PACRG: variants seen among roughly 807,000 people sequenced by gnomAD.
The protein encoded by PACRG is parkin coregulated gene protein.
Under a neutral mutation model 29.7 loss-of-function variants are expected in PACRG, and 29 were observed. The ratio of observed to expected loss-of-function variants is 0.98; its 90% confidence interval spans 0.73 to 1.33. PACRG has a LOEUF of 1.33. PACRG is among the 40% of genes most tolerant of loss of function. PACRG has a pLI of 0.00. For synonymous variants in PACRG, 116 were observed against 118.7 expected (o/e 0.98, Z 0.15); for missense variants, 279 against 316.2 (o/e 0.88, Z 0.89).
intron 2 of PACRG, among the ~76,000 whole-genome samples, chr6:162,995,031 G>A (rs1256405379): frequency 4.0e-5 from 6 of 151,086 alleles, no homozygotes; most frequent in Admixed American, 2.6e-4. Flanking sequence ...CTGCTGGGGG[G>A]TGCCTCCCAG....
At chr6:163,171,410 T>C (rs1200377388) in intron 4 of PACRG, among the ~76,000 whole-genome samples, 1 of 152,184 alleles carries the variant, frequency 6.6e-6, no homozygotes, top group African/African-American at 2.4e-5. Flanking sequence ...TTTTGCTCAC[T>C]TATTGTATAT....
At chr6:162,765,702 A>G (rs921770464) in intron 1 of PACRG, among the ~76,000 whole-genome samples, 1 of 152,160 alleles carries the variant, frequency 6.6e-6, no homozygotes, top group African/African-American at 2.4e-5. Flanking sequence ...TTTCTGGAGC[A>G]TTTCGGGGGG....
intron 4 of PACRG, among the ~76,000 whole-genome samples, chr6:163,295,892 G>A (rs760462812): frequency 6.6e-6 from 1 of 152,148 alleles, no homozygotes; most frequent in Non-Finnish European, 1.5e-5. Context: ...CTAGCCTGAT[G>A]CCTGACACCT....
chr6:163,095,163 C>A (rs1406911297), intron 4 of PACRG, among the ~76,000 whole-genome samples: 1 of 152,146 alleles, frequency 6.6e-6, no homozygotes, highest in Non-Finnish European at 1.5e-5. Flanking sequence ...CCATAAAGAC[C>A]TCTTTACCAT....
intron 2 of PACRG, among the ~76,000 whole-genome samples, chr6:163,027,847 C>T (rs564839069): frequency 4.2e-4 from 64 of 152,322 alleles, no homozygotes; most frequent in African/African-American, 1.4e-3. Flanking sequence ...CTCATTCATG[C>T]GCCCATGAAA....
intron 2 of PACRG, among the ~76,000 whole-genome samples, chr6:162,989,468 A>G (rs985295265): frequency 1.3e-5 from 2 of 152,158 alleles, no homozygotes; most frequent in African/African-American, 4.8e-5. Flanking sequence ...ATGACATAGT[A>G]TTTGCATATA....
At chr6:163,102,382 ACTGCAATCCAATCT>A (rs1815145858) in intron 4 of PACRG, among the ~76,000 whole-genome samples, 1 of 152,164 alleles carries the variant, frequency 6.6e-6, no homozygotes, top group South Asian at 2.1e-4. Flanking sequence ...ACAGTGAAGA[ACTGCAATCCAATCT>A]CAGATTTTCC....
At chr6:162,883,996 T>C (rs922491222) in intron 2 of PACRG, among the ~76,000 whole-genome samples, 3 of 152,156 alleles carry the variant, frequency 2.0e-5, no homozygotes, top group African/African-American at 7.2e-5. Flanking sequence ...TGGAGTGTAA[T>C]GTGCAATCGT....
chr6:163,232,770 C>T (rs1392299977), intron 4 of PACRG, among the ~76,000 whole-genome samples: 1 of 152,192 alleles, frequency 6.6e-6, no homozygotes, highest in African/African-American at 2.4e-5. Context: ...GAAGAACAGT[C>T]CAGGCATGGC....
intron 2 of PACRG, among the ~76,000 whole-genome samples, chr6:162,821,296 C>T (rs1022778281): frequency 6.6e-6 from 1 of 152,052 alleles, no homozygotes; most frequent in African/African-American, 2.4e-5. Context: ...GCCATCTCAT[C>T]GAGCTTGAAA....
intron 1 of PACRG, among the ~76,000 whole-genome samples, chr6:162,760,450 G>GATCCTTGTGAGAGA (rs1782259204): frequency 6.6e-6 from 1 of 152,180 alleles, no homozygotes; most frequent in Non-Finnish European, 1.5e-5. Context: ...ATTGTGAGAG[G>GATCCTTGTGAGAGA]ATCCTTGTGA....
chr6:163,300,209 C>A (rs1784936592), intron 4 of PACRG, among the ~76,000 whole-genome samples: 1 of 152,298 alleles, frequency 6.6e-6, no homozygotes, highest in Non-Finnish European at 1.5e-5. Flanking sequence ...GGTGAGTGAG[C>A]CTGCTTACCA....
chr6:162,827,576 C>A (rs908509434), intron 2 of PACRG, among the ~76,000 whole-genome samples: 6 of 152,080 alleles, frequency 3.9e-5, no homozygotes, highest in Non-Finnish European at 8.8e-5. Context: ...TGCAGAAAAC[C>A]TTTTTGGTAA....
chr6:162,995,797 T>C (rs1803983337), intron 2 of PACRG, among the ~76,000 whole-genome samples: 1 of 152,248 alleles, frequency 6.6e-6, no homozygotes, highest in Non-Finnish European at 1.5e-5. Context: ...AGTAATATCC[T>C]GTTGTGTGTA....
At chr6:163,296,299 T>A (rs1585408574) in intron 4 of PACRG, among the ~76,000 whole-genome samples, 2 of 147,698 alleles carry the variant, frequency 1.4e-5, no homozygotes, top group Admixed American at 6.7e-5. Context: ...CCTTCAGGCA[T>A]TTTTTTTTTG....
At chr6:163,202,091 A>C (rs2128149981) in intron 4 of PACRG, among the ~76,000 whole-genome samples, 1 of 152,310 alleles carries the variant, frequency 6.6e-6, no homozygotes, top group African/African-American at 2.4e-5. Flanking sequence ...TTGGGGCAGC[A>C]GGAGGGCAGC....
chr6:163,194,580 C>T (rs1780363470), intron 4 of PACRG, among the ~76,000 whole-genome samples: 3 of 152,186 alleles, frequency 2.0e-5, no homozygotes, highest in Non-Finnish European at 4.4e-5. Flanking sequence ...GCCAGTCATT[C>T]CTGGGACTAG....
At chr6:163,058,176 A>T (rs1377513727) in intron 2 of PACRG, among the ~76,000 whole-genome samples, 3 of 152,184 alleles carry the variant, frequency 2.0e-5, no homozygotes, top group Non-Finnish European at 2.9e-5. Flanking sequence ...AAAGAAAAAG[A>T]ATTTTCTTGA....
At chr6:162,932,452 G>A (rs556723394) in intron 2 of PACRG, among the ~76,000 whole-genome samples, 1 of 151,970 alleles carries the variant, frequency 6.6e-6, no homozygotes, top group African/African-American at 2.4e-5. Context: ...AAGAGTTTGA[G>A]TATAATTGGT....
Sources: allele counts gnomAD v4.1 joint callset (sites outside exome capture counted in the v4.1 genomes callset), GRCh38; gene constraint gnomAD v4.1.1; transcripts MANE v1.5; gene names NCBI Gene and HGNC (gene_info 2026-07-23, HGNC 2026-07-21).